Variants in CRAMP1 observed in about 807,000 individuals in gnomAD.
CRAMP1 encodes protein cramped-like.
CRAMP1 carries 50 observed loss-of-function variants against 115.4 expected under a neutral mutation model. The ratio of observed to expected loss-of-function variants is 0.43; its 90% CI spans 0.35 to 0.55. The LOEUF (loss-of-function observed/expected upper bound fraction) is 0.55. Ranked by LOEUF, CRAMP1 falls within the 20% of genes least tolerant of loss-of-function variation. CRAMP1 has a pLI of 0.01. For synonymous variants in CRAMP1, 866 were observed against 745.4 expected, an observed-to-expected ratio of 1.16 and a Z score of -2.64; for missense variants, 1,679 against 1,721.7, an observed-to-expected ratio of 0.98 and a Z score of 0.44.
At position 1,666,438 on chromosome 16, in the gene CRAMP1, A is replaced by G. The variant is rs1406546153; in HGVS notation, c.2874A>G (p.Ala958=). ...TSHLASAIDL[A]ATSAGILSGN... is the part of the protein sequence containing the mutation. Reference sequence around the variant, plus strand: ...TGTTGCCAGGTGCTATCGACTTAGCAGCTACAAGTGCCGGCATCCTTTCCG... The same window carrying G: ...TGTTGCCAGGTGCTATCGACTTAGCGGCTACAAGTGCCGGCATCCTTTCCG... Residue 958 remains alanine, a synonymous_variant, in exon 16 of 21, where the codon GCA becomes GCG. Coordinates refer to ENST00000397412, the MANE Select transcript of CRAMP1 (RefSeq NM_020825.4). The surrounding 1 kb of genome is among the most constrained non-coding windows in gnomAD (Gnocchi z 5.0). 6.2e-7 allele frequency: 1 copy of G among 1,613,362 alleles called. No individual in the cohort carries two copies. The highest frequency in any genetic ancestry group is 2.2e-5 in the East Asian group (1 of 44,874).
chr16:1,654,155 AAG>A (rs2036749253), intron 8 of CRAMP1, among the ~76,000 whole-genome samples: 1 of 151,784 alleles, frequency 6.6e-6, no homozygotes, highest in Admixed American at 6.6e-5. Flanking sequence ...AAAAAAAAAA[AAG>A]AAAAAATTGA....
At chr16:1,627,704 C>A (rs998426386) in intron 3 of CRAMP1, among the ~76,000 whole-genome samples, 2 of 152,176 alleles carry the variant, frequency 1.3e-5, no homozygotes, top group African/African-American at 4.8e-5. Flanking sequence ...AGTCCCATTG[C>A]AGTAGATATG....
At chr16:1,660,899 C>T (rs934326929) in intron 11 of CRAMP1, among the ~76,000 whole-genome samples, 1 of 152,186 alleles carries the variant, frequency 6.6e-6, no homozygotes, top group African/African-American at 2.4e-5. Flanking sequence ...ATCCCAGCTA[C>T]TCCGAAGGCT....
intron 19 of CRAMP1, chr16:1,670,405 G>C (rs1019758101): frequency 2.2e-6 from 1 of 446,462 alleles, no homozygotes; most frequent in Non-Finnish European, 4.0e-6. Context: ...CGTGATGGGG[G>C]TGGGGGATGG....
At chr16:1,655,711 G>A (rs1331756860) in intron 9 of CRAMP1, among the ~76,000 whole-genome samples, 166 bp from the exon 10 acceptor site, 1 of 152,198 alleles carries the variant, frequency 6.6e-6, no homozygotes, top group Admixed American at 6.5e-5. Flanking sequence ...CTAAGTGCCC[G>A]GGTCAGCATT....
At position 1,656,227 on chromosome 16, in the gene CRAMP1, C is replaced by T. The variant is rs959779414; in HGVS notation, c.1470C>T (p.Ser490=). The T allele has an allele frequency of 8.7e-6, 14 of 1,607,658 alleles. No individual in the cohort carries two copies. Among genetic ancestry groups the T allele is most frequent in the Non-Finnish European group, 1.2e-5 (14 of 1,178,476 alleles). ...ADALQSSGES[S]PESAPGEGAA... ...CCTTGCAGAGCTCCGGAGAGAGTTC[C>T]CCCGAAAGCGCCCCCGGGGAGGGGG... Residue 490 remains serine (S), a synonymous_variant, in exon 10 of 21, where the codon TCC becomes TCT. Coordinates refer to ENST00000397412, the MANE Select transcript of CRAMP1 (RefSeq NM_020825.4). The surrounding 1 kb of genome is among the most constrained non-coding windows in gnomAD (Gnocchi z 5.6).
intron 4 of CRAMP1, among the ~76,000 whole-genome samples, chr16:1,636,379 A>G (rs1410803310): frequency 1.3e-5 from 2 of 152,040 alleles, no homozygotes; most frequent in East Asian, 3.9e-4. Context: ...CTCAAAAAAA[A>G]AAAAAGAAAG....
chr16:1,655,083 C>T (rs1230410304), intron 8 of CRAMP1, 136 bp from the exon 9 acceptor site: 11 of 695,916 alleles, frequency 1.6e-5, no homozygotes, highest in Middle Eastern at 3.3e-4. Context: ...GCCCTGCAGA[C>T]GCCCGCTCCC....
chr16:1,636,240 G>A (rs930489812), intron 4 of CRAMP1, among the ~76,000 whole-genome samples: 1 of 152,074 alleles, frequency 6.6e-6, no homozygotes, highest in Non-Finnish European at 1.5e-5. Flanking sequence ...GCGTGGTGGC[G>A]CATGCCTGTA....
At chr16:1,658,790 A>G (rs2036798358) in intron 10 of CRAMP1, among the ~76,000 whole-genome samples, 2 of 152,188 alleles carry the variant, frequency 1.3e-5, no homozygotes, top group South Asian at 4.1e-4. Context: ...TAGGGCCTGA[A>G]GGCTCTGAGT....
At chr16:1,620,550 A>G (rs950525314) in intron 2 of CRAMP1, 1 of 433,846 alleles carries the variant, frequency 2.3e-6, no homozygotes, top group South Asian at 1.6e-5. Flanking sequence ...TCACCAAACC[A>G]CAGAAAGAGT....
chr16:1,622,212 A>G (rs142658794), intron 2 of CRAMP1, among the ~76,000 whole-genome samples: 55 of 152,308 alleles, frequency 3.6e-4, no homozygotes, highest in African/African-American at 1.3e-3. Flanking sequence ...ATTGTTTTTT[A>G]AAAAGCATTC....
intron 2 of CRAMP1, among the ~76,000 whole-genome samples, chr16:1,617,805 A>C (rs996704099): frequency 2.6e-5 from 4 of 152,040 alleles, no homozygotes; most frequent in African/African-American, 9.7e-5. Flanking sequence ...TTTTTTTTCT[A>C]GTTCAGTTTC....
intron 6 of CRAMP1, among the ~76,000 whole-genome samples, chr16:1,641,889 C>T (rs1340051224): frequency 6.6e-6 from 1 of 151,588 alleles, no homozygotes; most frequent in African/African-American, 2.4e-5. Flanking sequence ...GGGGGGTCCC[C>T]ACTCTGGAGC....
At chr16:1,645,902 C>T (rs954977704) in intron 6 of CRAMP1, among the ~76,000 whole-genome samples, 4 of 152,226 alleles carry the variant, frequency 2.6e-5, no homozygotes, top group East Asian at 1.9e-4. Context: ...AGATATGGAA[C>T]GCTGCCAGCA....
At position 1,612,406 on chromosome 16, in the gene CRAMP1, G is replaced by C. The variant is rs927676199; in HGVS notation, c.-253G>C. ...AGCCGGAACTGCTGCTGAGGGCGGCGGGCCGGCTTCGCTAGGGTGAGTGGC... is the reference window on the plus strand; with the variant it reads ...AGCCGGAACTGCTGCTGAGGGCGGCCGGCCGGCTTCGCTAGGGTGAGTGGC... On this transcript the variant is annotated 5_prime_UTR_variant, in exon 1 of 21. Coordinates refer to ENST00000397412, the MANE Select transcript of CRAMP1 (RefSeq NM_020825.4). 1 of 151,404 alleles carries C rather than the reference G, an allele frequency of 6.6e-6. No individual in the cohort carries two copies. Among genetic ancestry groups the C allele is most frequent in the African/African-American group, 2.4e-5 (1 of 41,344 alleles). The allele number at this position is 151,404 out of a possible 1,614,324, so 9.4% of individuals were successfully genotyped here. A position where few individuals can be genotyped will look rare whatever the true frequency, so the allele number is the denominator to read the frequency against.
chr16:1,639,937 T>C (rs1407559714), intron 5 of CRAMP1, among the ~76,000 whole-genome samples: 1 of 152,196 alleles, frequency 6.6e-6, no homozygotes, highest in Non-Finnish European at 1.5e-5. Flanking sequence ...TGAAAATAAA[T>C]GACTTGATTG....
At chr16:1,654,356 C>T (rs1032220271) in intron 8 of CRAMP1, among the ~76,000 whole-genome samples, 5 of 151,818 alleles carry the variant, frequency 3.3e-5, no homozygotes, top group East Asian at 2.0e-4. Flanking sequence ...GGATTACATG[C>T]GCGTGCCACC....
intron 8 of CRAMP1, 26 bp from the exon 9 acceptor site, chr16:1,655,193 C>T: frequency 6.3e-7 from 1 of 1,596,656 alleles, no homozygotes; most frequent in South Asian, 1.1e-5. Flanking sequence ...GCGAACCTCA[C>T]TTCCTCCTGT....
Sources: gnomAD v4.1 joint callset for allele counts (sites outside exome capture counted in the v4.1 genomes callset) on GRCh38, gnomAD v4.1.1 for gene constraint, Gnocchi (gnomAD v3.1) non-coding constraint, MANE v1.5 for transcripts, NCBI Gene and HGNC (gene_info 2026-07-23, HGNC 2026-07-21) for gene names.